The following SFMBT2 variants were observed in gnomAD, a reference collection of about 807,000 sequenced individuals.
SFMBT2 encodes the protein Scm like with four mbt domains 2, also known as scm-like with four MBT domains protein 2.
SFMBT2 carries 38 observed loss-of-function variants against 110.1 expected under a neutral mutation model. That is an observed-to-expected ratio of 0.35 (90% CI 0.27 to 0.45). The LOEUF (loss-of-function observed/expected upper bound fraction) is 0.45, where lower values mean the gene tolerates loss of function less well. SFMBT2 is among the 20% of genes least tolerant of loss of function. The pLI, the probability that SFMBT2 is intolerant of heterozygous loss-of-function variation, is 1.00. For synonymous variants in SFMBT2, 425 were observed against 425.4 expected, an observed-to-expected ratio of 1.00 and a Z score of 0.01; for missense variants, 1,011 against 1,094.9, an observed-to-expected ratio of 0.92 and a Z score of 1.08.
At chr10:7,233,716 C>T (rs552831490) in intron 9 of SFMBT2, among the ~76,000 whole-genome samples, 1 of 152,340 alleles carries the variant, frequency 6.6e-6, no homozygotes, top group Admixed American at 6.5e-5. Context: ...CAATGCCTTA[C>T]TCTTCCAATT....
In SFMBT2 at chr10:7,293,223, C is replaced by T. The variant is rs1218227135; in HGVS notation, c.437-7269G>A. Among the ~76,000 whole-genome samples, 9 of 152,060 alleles carry T rather than the reference C, an allele frequency of 5.9e-5. No homozygotes were observed. In the South Asian group the frequency reaches 1.0e-3, roughly 18 times the overall value. On this transcript the variant is annotated intron_variant, in intron 4 of 20. Transcript: ENST00000397167. The surrounding 1 kb of genome is among the most constrained non-coding windows in gnomAD (Gnocchi z 4.6). ...ACCACCATCTCCAGCCTCAGCTTCC[C>T]GAGTAGCTGGGACTACAGGCACGCC...
At chr10:7,189,290 G>A (rs548555989) in intron 15 of SFMBT2, 7 of 582,530 alleles carry the variant, frequency 1.2e-5, no homozygotes, top group Non-Finnish European at 1.5e-5. Flanking sequence ...TTTTAAAAGA[G>A]AGTCTGGAAT....
At position 7,197,562 on chromosome 10, in the gene SFMBT2, G is replaced by A. The variant is rs141697929; in HGVS notation, c.1684C>T (p.Leu562=). 1.1e-5 allele frequency: 18 copies of A among 1,614,116 alleles called. No individual in the cohort carries two copies. In the East Asian group the frequency reaches 3.1e-4, roughly 28 times the overall value. The change falls in exon 15 of 21, where the codon CTG becomes TTG. Residue 562 remains leucine, a synonymous_variant. Coordinates refer to ENST00000397167, the MANE Select transcript of SFMBT2 (RefSeq NM_001387889.1). Reference sequence around the variant, plus strand: ...ACGGGCTTTACCTCTTTAAGAACCAGCACGCATTTGCCCGGTCCCACCGAC... The same window carrying A: ...ACGGGCTTTACCTCTTTAAGAACCAACACGCATTTGCCCGGTCCCACCGAC... ...PQSVGPGKCV[L]VLKEVLSMII...
At chr10:7,164,809 C>G (rs1339196032) in intron 20 of SFMBT2, among the ~76,000 whole-genome samples, 1 of 151,700 alleles carries the variant, frequency 6.6e-6, no homozygotes, top group Non-Finnish European at 1.5e-5. Flanking sequence ...CAGACACACA[C>G]TCCCCAGAGC....
chr10:7,254,825 T>TA (rs1040892335), intron 7 of SFMBT2, among the ~76,000 whole-genome samples: 23 of 150,904 alleles, frequency 1.5e-4, no homozygotes, highest in Non-Finnish European at 2.7e-4. Flanking sequence ...AGACTCCGTC[T>TA]AAAAAAAAAG....
chr10:7,296,575 A>T (rs1245184835), intron 4 of SFMBT2, among the ~76,000 whole-genome samples: 2 of 152,228 alleles, frequency 1.3e-5, no homozygotes, highest in Non-Finnish European at 2.9e-5. Context: ...AAAGAGACAA[A>T]CTTGCAGAAA....
At chr10:7,383,764 T>C (rs1400692347) in intron 1 of SFMBT2, among the ~76,000 whole-genome samples, 4 of 152,162 alleles carry the variant, frequency 2.6e-5, no homozygotes, top group Admixed American at 2.0e-4. Context: ...CCTTATGTTT[T>C]CTGAGACAAA....
chr10:7,297,281 C>T (rs1303890393), intron 4 of SFMBT2, among the ~76,000 whole-genome samples: 1 of 152,198 alleles, frequency 6.6e-6, no homozygotes, highest in Non-Finnish European at 1.5e-5. Flanking sequence ...CAGGAAATGG[C>T]AGGCTCCAGA....
intron 1 of SFMBT2, among the ~76,000 whole-genome samples, chr10:7,407,041 G>A (rs1014014683): frequency 6.6e-6 from 1 of 152,160 alleles, no homozygotes; most frequent in Admixed American, 6.5e-5. Flanking sequence ...TTGCAGGCAG[G>A]CAGCTTGGTC....
At chr10:7,207,616 T>C (rs57308789) in intron 11 of SFMBT2, 3 of 984,366 alleles carry the variant, frequency 3.0e-6, no homozygotes, top group Non-Finnish European at 3.6e-6. Flanking sequence ...TCTCATAACA[T>C]CTGAAGAATT....
At chr10:7,316,120 G>T (rs1843004229) in intron 4 of SFMBT2, among the ~76,000 whole-genome samples, 1 of 152,196 alleles carries the variant, frequency 6.6e-6, no homozygotes, top group Admixed American at 6.5e-5. Flanking sequence ...CAAAACGCAT[G>T]ACCTCCCTCA....
chr10:7,331,373 CAAT>C (rs1184532000), intron 4 of SFMBT2, among the ~76,000 whole-genome samples: 1 of 152,182 alleles, frequency 6.6e-6, no homozygotes, highest in Non-Finnish European at 1.5e-5. Flanking sequence ...GTGATCAGCA[CAAT>C]AATCCTGAAA....
At chr10:7,226,751 C>T (rs1369364101) in intron 10 of SFMBT2, among the ~76,000 whole-genome samples, 1 of 152,150 alleles carries the variant, frequency 6.6e-6, no homozygotes, top group Non-Finnish European at 1.5e-5. Flanking sequence ...AGTGACGTTT[C>T]AGTCAATGAT....
At chr10:7,219,016 A>G (rs1253870016) in intron 11 of SFMBT2, among the ~76,000 whole-genome samples, 6 of 152,370 alleles carry the variant, frequency 3.9e-5, no homozygotes, top group Admixed American at 1.3e-4. Flanking sequence ...AGTAATAAGG[A>G]TAAAACATGG....
At chr10:7,390,204 G>A (rs914605523) in intron 1 of SFMBT2, among the ~76,000 whole-genome samples, 1 of 152,110 alleles carries the variant, frequency 6.6e-6, no homozygotes, top group African/African-American at 2.4e-5. Context: ...AATTGAACTA[G>A]GCACATGTGG....
chr10:7,232,890 C>G (rs1424440731), intron 9 of SFMBT2, among the ~76,000 whole-genome samples: 1 of 152,174 alleles, frequency 6.6e-6, no homozygotes, highest in African/African-American at 2.4e-5. Context: ...CTCCCCTCAG[C>G]CTTCCTCCAG....
chr10:7,276,280 T>C (rs1536497), intron 7 of SFMBT2, among the ~76,000 whole-genome samples: 94,249 of 152,062 alleles, frequency 0.62, 30,009 homozygotes, highest in East Asian at 0.79. Context: ...TTTTACTAAA[T>C]GTCAAAATTA....
At chr10:7,411,336 C>T (rs139411272), upstream of SFMBT2, 1,946 of 152,376 alleles carry the variant, frequency 0.013, 29 homozygotes, top group Middle Eastern at 0.048. Flanking sequence ...TTGTGAGCTC[C>T]CTCCATACAT....
chr10:7,186,796 T>C (rs1157766944), intron 16 of SFMBT2, among the ~76,000 whole-genome samples: 1 of 152,180 alleles, frequency 6.6e-6, no homozygotes, highest in Non-Finnish European at 1.5e-5. Flanking sequence ...AAGAGGTGAC[T>C]CAACACACAG....
Sources: gnomAD v4.1 joint callset for allele counts (sites outside exome capture counted in the v4.1 genomes callset) on GRCh38, gnomAD v4.1.1 for gene constraint, Gnocchi (gnomAD v3.1) non-coding constraint, MANE v1.5 for transcripts, NCBI Gene and HGNC (gene_info 2026-07-23, HGNC 2026-07-21) for gene names.